Variants in ZNF654 observed in about 807,000 individuals in gnomAD.
ZNF654 encodes melanoma-associated antigen.
In ZNF654, 19 loss-of-function variants were observed where a neutral mutation model predicts 95.3. The ratio of observed to expected loss-of-function variants is 0.20; its 90% CI spans 0.14 to 0.29. The LOEUF is 0.29. Among genes scored for constraint, ZNF654 ranks in the 10% least tolerant of loss-of-function variants. The probability of loss-of-function intolerance (pLI) is 1.00; values close to 1 mark genes in which losing one functional copy is unlikely to be tolerated. For missense variants in ZNF654, 1,046 were observed against 1,341.0 expected, an observed-to-expected ratio of 0.78 and a Z score of 3.44; for synonymous variants, 413 against 457.9, an observed-to-expected ratio of 0.90 and a Z score of 1.25.
intron 1 of ZNF654, among the ~76,000 whole-genome samples, chr3:88,072,755 A>C (rs1707588385): frequency 6.6e-6 from 1 of 152,140 alleles, no homozygotes; most frequent in African/African-American, 2.4e-5. Context: ...TCCCTCCACA[A>C]AAAAATGAAA....
In ZNF654 at chr3:88,071,201, T is replaced by C. The variant is rs140579853; in HGVS notation, c.186+11696T>C. Among the ~76,000 whole-genome samples the C allele has an allele frequency of 2.7e-3, 408 of 152,348 alleles. 12 individuals are homozygous for C. The East Asian group carries it at 0.042, about 15-fold the overall frequency. On this transcript the variant is annotated intron_variant, in intron 1 of 8. Transcript: ENST00000636215. ...TTATTTAAAAAGTAAGAAATTATTA[T>C]CTCGTTTCTTAAAAACTTCTGTATT...
intron 3 of ZNF654, among the ~76,000 whole-genome samples, chr3:88,117,580 A>G (rs1391408103): frequency 6.6e-6 from 1 of 152,216 alleles, no homozygotes; most frequent in Non-Finnish European, 1.5e-5. Context: ...AAATGGGGTC[A>G]TTACAGAATA....
Position 88,128,934 on chromosome 3 carries a change from A to G in ZNF654, c.676A>G (p.Ser226Gly). 1 of 1,535,582 alleles carries G rather than the reference A, an allele frequency of 6.5e-7. No individual in the cohort carries two copies. Among genetic ancestry groups the G allele is most frequent in the Non-Finnish European group, 8.7e-7 (1 of 1,146,540 alleles). The change falls in exon 5 of 9, where the codon AGT (serine) becomes GGT (glycine). Residue 226 changes from serine (S) to glycine (G), a missense_variant. Physicochemically the swap from Ser to Gly is moderately conservative, Grantham distance 56. This residue lies in a region of ZNF654 where 121 missense variants were observed against 141.7 expected (regional missense o/e 0.85). Transcript: ENST00000636215. ...IKSCINHPEI[S>G]KDLYFHQALF... Reference sequence around the variant, plus strand: ...ATCTTGTATAAATCACCCAGAAATCAGTAAAGACTTATACTTCCATCAAGC... The same window carrying G: ...ATCTTGTATAAATCACCCAGAAATCGGTAAAGACTTATACTTCCATCAAGC...
rs768805437 is a variant in ZNF654 at position 88,140,711 on chromosome 3, A to C, written c.3042A>C (p.Val1014=). The C allele has an allele frequency of 2.3e-4, 373 of 1,613,650 alleles. 2 individuals carry two copies. The highest frequency in any genetic ancestry group is 5.1e-6 in the Non-Finnish European group (6 of 1,179,760). The stretch of plus-strand genomic sequence containing the variant: ...ATGGTTCCATTTTGCCCAGTGTTGT[A>C]CCACAAGAACACAACACCTTGCCAG... ...TENGSILPSV[V]PQEHNTLPVS... Residue 1014 remains valine, a synonymous_variant, in exon 8 of 9, where the codon GTA becomes GTC. Transcript: ENST00000636215.
chr3:88,086,438 T>C, intron 2 of ZNF654, 36 bp downstream of exon 2: 2 of 1,423,884 alleles, frequency 1.4e-6, no homozygotes, highest in Non-Finnish European at 1.8e-6. Context: ...TGCATTATTT[T>C]TCTTGATGTG....
chr3:88,082,770 C>T (rs1559697684), intron 1 of ZNF654, among the ~76,000 whole-genome samples: 1 of 152,148 alleles, frequency 6.6e-6, no homozygotes, highest in Non-Finnish European at 1.5e-5. Flanking sequence ...TAGTTGATCA[C>T]TTTATATGTT....
intron 1 of ZNF654, among the ~76,000 whole-genome samples, chr3:88,069,238 A>G (rs1405982373): frequency 3.3e-5 from 5 of 152,158 alleles, no homozygotes; most frequent in African/African-American, 1.2e-4. Context: ...CCTGGCCAAC[A>G]TGGTGAAACC....
chr3:88,126,403 A>C (rs1468821535), intron 4 of ZNF654, 134 bp downstream of exon 4: 3 of 1,042,612 alleles, frequency 2.9e-6, no homozygotes, highest in African/African-American at 1.6e-5. Context: ...TTTTCACATG[A>C]AAAGTGTTTG....
At chr3:88,131,272 T>C (rs1172007028) in intron 6 of ZNF654, among the ~76,000 whole-genome samples, 7 of 152,248 alleles carry the variant, frequency 4.6e-5, no homozygotes, top group African/African-American at 1.4e-4. Context: ...TGACCACTGT[T>C]GTATACGCAG....
chr3:88,059,423 ACGGCAGAGGCGGCGCTGGCAG>A lies in ZNF654; in HGVS notation c.110_130del (p.Arg37_Gly43del). On this transcript the variant is annotated inframe_deletion, in exon 1 of 9. Coordinates refer to ENST00000636215, the MANE Select transcript of ZNF654 (RefSeq NM_001350134.2). Reference sequence around the variant, plus strand: ...CCTGTGGGGCTTAGAGCTGCGGGCGACGGCAGAGGCGGCGCTGGCAGCGGCAACTGCGGCGGCGGCGTCGGA... The same window carrying A: ...CCTGTGGGGCTTAGAGCTGCGGGCGACGGCAACTGCGGCGGCGGCGTCGGA... The A allele has an allele frequency of 1.3e-6, 2 of 1,526,488 alleles. No homozygotes were observed. The highest frequency in any genetic ancestry group is 1.7e-6 in the Non-Finnish European group (2 of 1,143,604). The allele number at this position is 1,526,488 out of a possible 1,614,324, so 94.6% of individuals were successfully genotyped here. A position where few individuals can be genotyped will look rare whatever the true frequency, so the allele number is the denominator to read the frequency against.
chr3:88,132,036 G>C (rs1576343124), intron 6 of ZNF654, among the ~76,000 whole-genome samples: 1 of 152,052 alleles, frequency 6.6e-6, no homozygotes, highest in Non-Finnish European at 1.5e-5. Flanking sequence ...GCAAATGTTT[G>C]CTGAGTGCTT....
intron 1 of ZNF654, among the ~76,000 whole-genome samples, chr3:88,081,741 C>T (rs1354573204): frequency 2.0e-5 from 3 of 152,140 alleles, no homozygotes; most frequent in Non-Finnish European, 4.4e-5. Context: ...AAGTTCCAGG[C>T]TCATCTTGTG....
At chr3:88,109,471 G>GT (rs1022597529) in intron 2 of ZNF654, among the ~76,000 whole-genome samples, 3 of 152,064 alleles carry the variant, frequency 2.0e-5, no homozygotes, top group African/African-American at 7.2e-5. Context: ...ACTTAAATTG[G>GT]TAAGTGGATT....
intron 1 of ZNF654, among the ~76,000 whole-genome samples, chr3:88,067,364 A>AT (rs1469920820): frequency 6.6e-6 from 1 of 152,214 alleles, no homozygotes; most frequent in Non-Finnish European, 1.5e-5. Flanking sequence ...GATCTTAGAG[A>AT]TAGCTGGACT....
chr3:88,093,930 A>G (rs1284111781), intron 2 of ZNF654, among the ~76,000 whole-genome samples: 13 of 152,148 alleles, frequency 8.5e-5, no homozygotes. Context: ...CACAGCATCT[A>G]GTACTCTTAC....
Position 88,061,384 on chromosome 3 carries a change from A to G in ZNF654, c.186+1879A>G, listed in dbSNP as rs143987930. Among the ~76,000 whole-genome samples, 18 of 152,322 alleles carry G rather than the reference A, an allele frequency of 1.2e-4. 2 individuals carry two copies. The highest frequency in any genetic ancestry group is 4.3e-4 in the African/African-American group (18 of 41,592). The stretch of plus-strand genomic sequence containing the variant: ...ACTTTATGACTTCGCTACCTCCTGT[A>G]TATCCAAGGAAATAAAACAGGAAGA... On this transcript the variant is annotated intron_variant, in intron 1 of 8. Transcript: ENST00000636215.
chr3:88,092,710 G>T (rs1703818916), intron 2 of ZNF654, among the ~76,000 whole-genome samples: 1 of 152,110 alleles, frequency 6.6e-6, no homozygotes, highest in South Asian at 2.1e-4. Flanking sequence ...AATTTAAGGA[G>T]ATTATGTCTT....
rs1706970116 is a variant in ZNF654 at position 88,139,134 on chromosome 3, A to G, written c.1465A>G (p.Thr489Ala). ...AAATAATGCAGGTAATCTAAAAAGG[A>G]CGGAGGAACAGCAAGGTTTGGATGA... ...LENNAGNLKR[T>A]EEQQGLDEGF... The change falls in exon 8 of 9, where the codon ACG becomes GCG. Residue 489 changes from threonine (T) to alanine (A), a missense_variant. Physicochemically the swap from Thr to Ala is moderately conservative, Grantham distance 58. Coordinates refer to ENST00000636215, the MANE Select transcript of ZNF654 (RefSeq NM_001350134.2). 2.3e-6 allele frequency: 3 copies of G among 1,303,486 alleles called. No individual in the cohort carries two copies. The highest frequency in any genetic ancestry group is 2.9e-4 in the Middle Eastern group (1 of 3,450). The allele number at this position is 1,303,486 out of a possible 1,614,324, so 80.7% of individuals were successfully genotyped here.
intron 2 of ZNF654, among the ~76,000 whole-genome samples, chr3:88,108,176 G>C (rs908856638): frequency 6.6e-6 from 1 of 151,328 alleles, no homozygotes; most frequent in Non-Finnish European, 1.5e-5. Context: ...TTCAGGTCAC[G>C]ACCTACATGA....
Sources: allele counts gnomAD v4.1 joint callset (sites outside exome capture counted in the v4.1 genomes callset), GRCh38; gene constraint gnomAD v4.1.1; regional missense constraint gnomAD v4.1.1; transcripts MANE v1.5; gene names NCBI Gene and HGNC (gene_info 2026-07-23, HGNC 2026-07-21).